Variants in CRB2 observed in about 807,000 individuals in gnomAD.
CRB2 encodes crumbs cell polarity complex component 2.
Under a neutral mutation model 110.9 loss-of-function variants are expected in CRB2, and 85 were observed. That is an observed-to-expected ratio of 0.77 (90% CI 0.64 to 0.92). CRB2 has a LOEUF of 0.92. Ranked by LOEUF, CRB2 falls within the 40% of genes least tolerant of loss-of-function variation. CRB2 has a pLI of 0.00. For synonymous variants in CRB2, 907 were observed against 831.0 expected, an observed-to-expected ratio of 1.09 and a Z score of -1.57; for missense variants, 1,843 against 1,851.3, an observed-to-expected ratio of 1.00 and a Z score of 0.08.
At chr9:123,379,661 C>T (rs1316132305), downstream of CRB2, 1 of 152,270 alleles carries the variant, frequency 6.6e-6, no homozygotes, top group Non-Finnish European at 1.5e-5. Context: ...CAGCCTCTTC[C>T]CCAAGATGAT....
chr9:123,368,924 G>C, intron 6 of CRB2: 4 of 1,255,318 alleles, frequency 3.2e-6, no homozygotes, highest in African/African-American at 1.6e-5. Flanking sequence ...GGACCTTCCT[G>C]GGCCACCTGT....
rs2797951 is a variant in CRB2 at position 123,367,412 on chromosome 9, C to G, written c.940+55C>G. The G allele has an allele frequency of 0.086, 122,714 of 1,430,226 alleles. 5,811 individuals carry two copies. Among genetic ancestry groups the G allele is most frequent in the Middle Eastern group, 0.09 (371 of 4,100 alleles). 88.6% of individuals were successfully genotyped at this position (1,430,226 alleles called of 1,614,324 possible). ...CATGTCCAGATGCCCAGGGAGGGAT[C>G]TTGTGCCCACCCCCCCACCCCCCCC... On this transcript the variant is annotated intron_variant, in intron 5 of 12. Transcript: ENST00000373631.
At chr9:123,354,819 C>T (rs184445633), upstream of CRB2, among the ~76,000 whole-genome samples, 4 of 152,254 alleles carry the variant, frequency 2.6e-5, no homozygotes, top group East Asian at 7.7e-4. Context: ...TCCTTTGGTC[C>T]CTGGGGACCC....
Position 123,370,475 on chromosome 9 carries a change from G to A in CRB2, c.1422G>A (p.Leu474=), listed in dbSNP as rs772240881. The change falls in exon 7 of 13, where the codon TTG becomes TTA. Residue 474 remains leucine (L), a synonymous_variant. Transcript: ENST00000373631. ...GCACCACACTGCCCGCTGGGACCTT[G>A]GCCACTCGCAATGACACCAAGGAAA... is the stretch of plus-strand genomic sequence containing the variant. ...RFRTTLPAGT[L]ATRNDTKESL... 1.2e-6 allele frequency: 2 copies of A among 1,613,346 alleles called. No individual in the cohort carries two copies. The highest frequency in any genetic ancestry group is 2.7e-5 in the African/African-American group (2 of 74,936).
intron 1 of CRB2, among the ~76,000 whole-genome samples, chr9:123,357,645 G>A (rs2041815443): frequency 6.6e-6 from 1 of 152,226 alleles, no homozygotes; most frequent in African/African-American, 2.4e-5. Flanking sequence ...CGGGGTGGCT[G>A]CTCCTCTCTG....
intron 8 of CRB2, among the ~76,000 whole-genome samples, 189 bp from the exon 9 acceptor site, chr9:123,371,988 T>C (rs2042023725): frequency 6.6e-6 from 1 of 152,192 alleles, no homozygotes; most frequent in African/African-American, 2.4e-5. Flanking sequence ...CTCAGGCAAG[T>C]GGCTTTGCAT....
In CRB2 at chr9:123,370,606, A is replaced by G. The variant is rs369310618; in HGVS notation, c.1553A>G (p.His518Arg). The change falls in exon 7 of 13, where the codon CAT (histidine) becomes CGT (arginine). Residue 518 changes from histidine to arginine, a missense_variant. Transcript: ENST00000373631. ...CCGGACCTGGCCCTAAACGATGGCC[A>G]TTGGCACCAGGTGGAGGTTGTGCTC... ...RLPDLALNDG[H>R]WHQVEVVLHL... is the part of the protein sequence containing the mutation. The G allele has an allele frequency of 1.9e-5, 30 of 1,612,468 alleles. No individual in the cohort carries two copies. Among genetic ancestry groups the G allele is most frequent in the Non-Finnish European group, 2.5e-5 (30 of 1,180,012 alleles).
chr9:123,375,414 A>G, intron 12 of CRB2, 71 bp downstream of exon 12: 1 of 1,479,482 alleles, frequency 6.8e-7, no homozygotes, highest in Non-Finnish European at 9.0e-7. Context: ...TGCTGGGGAG[A>G]GAGCGCAGCA....
upstream of CRB2, among the ~76,000 whole-genome samples, chr9:123,355,284 T>G (rs1050943336): frequency 6.6e-6 from 1 of 152,016 alleles, no homozygotes; most frequent in African/African-American, 2.4e-5. Flanking sequence ...AGCAGGAGAC[T>G]ATAAGGTTAG....
upstream of CRB2, among the ~76,000 whole-genome samples, chr9:123,354,659 T>C (rs111466461): frequency 3.1e-3 from 472 of 152,250 alleles, 6 homozygotes; most frequent in African/African-American, 0.011. Flanking sequence ...TCCTGTTGTA[T>C]TGGAGAGGCA....
rs370059953 is a variant in CRB2 at position 123,370,654 on chromosome 9, G to A, written c.1601G>A (p.Arg534Gln). 2 of 1,608,200 alleles carry A rather than the reference G, an allele frequency of 1.2e-6. No individual in the cohort carries two copies. Among genetic ancestry groups the A allele is most frequent in the African/African-American group, 1.3e-5 (1 of 74,936 alleles). Residue 534 changes from arginine to glutamine, a missense_variant, in exon 7 of 13, where the codon CGG (arginine) becomes CAG (glutamine). Physicochemically the swap from Arg to Gln is conservative, Grantham distance 43 (BLOSUM62 1). Transcript: ENST00000373631. ...CTCCATCTAGCGACCCTGGAGCTACGGCTCTGGCATGAGGGCTGCCCTGCC... is the reference window on the plus strand; with the variant it reads ...CTCCATCTAGCGACCCTGGAGCTACAGCTCTGGCATGAGGGCTGCCCTGCC... ...VVLHLATLEL[R>Q]LWHEGCPARL...
At chr9:123,369,277 C>G (rs1322509381) in intron 6 of CRB2, among the ~76,000 whole-genome samples, 2 of 152,232 alleles carry the variant, frequency 1.3e-5, no homozygotes, top group African/African-American at 4.8e-5. Flanking sequence ...CACTACCCCA[C>G]TAGCTCCTCC....
intron 1 of CRB2, among the ~76,000 whole-genome samples, chr9:123,360,320 G>A (rs113844109): frequency 9.2e-5 from 14 of 152,088 alleles, no homozygotes; most frequent in African/African-American, 1.2e-4. Flanking sequence ...CTGCCAGGTC[G>A]GCCCAGGCAG....
intron 2 of CRB2, among the ~76,000 whole-genome samples, chr9:123,365,002 C>T (rs1056792028): frequency 1.3e-5 from 2 of 152,220 alleles, no homozygotes; most frequent in Non-Finnish European, 2.9e-5. Flanking sequence ...TGGCTCACGC[C>T]TGTAATCCCA....
At position 123,374,473 on chromosome 9, in the gene CRB2, G is replaced by C. The variant is rs1588219828; in HGVS notation, c.3390-106G>C. ...CCCATGCCCAATAGAGGAAGGCCCT[G>C]AGTTCCATACATGAGAACACAAGCT... On this transcript the variant is annotated intron_variant, in intron 10 of 12. Coordinates refer to ENST00000373631, the MANE Select transcript of CRB2 (RefSeq NM_173689.7). The C allele has an allele frequency of 2.1e-5, 16 of 759,400 alleles. No homozygotes were observed. The East Asian group carries it at 3.5e-4, about 16-fold the overall frequency. The allele number at this position is 759,400 out of a possible 1,614,324, so 47.0% of individuals were successfully genotyped here. A position where few individuals can be genotyped will look rare whatever the true frequency, so the allele number is the denominator to read the frequency against.
chr9:123,377,043 C>T lies in CRB2; in HGVS notation c.3839C>T (p.Pro1280Leu), dbSNP rs1049615495. Residue 1280 changes from proline to leucine, a missense_variant, in exon 13 of 13, where the codon CCG becomes CTG. By Grantham distance (98) the Pro-to-Leu change is moderately conservative. Coordinates refer to ENST00000373631, the MANE Select transcript of CRB2 (RefSeq NM_173689.7). Reference sequence around the variant, plus strand: ...ATGGACAGTGTCCTCAAGGTGCCACCGGAGGAGAGACTCATCTAGGCCAGC... The same window carrying T: ...ATGGACAGTGTCCTCAAGGTGCCACTGGAGGAGAGACTCATCTAGGCCAGC... Reference protein sequence around the residue: ...LEMDSVLKVPPEERLI With the variant: ...LEMDSVLKVPLEERLI 1.5e-4 allele frequency: 236 copies of T among 1,588,856 alleles called. No homozygotes were observed. In the East Asian group the frequency reaches 2.5e-3, roughly 17 times the overall value.
At position 123,367,864 on chromosome 9, in the gene CRB2, G is replaced by A. The variant is rs552042822; in HGVS notation, c.1054+178G>A. ...TGGGACTCGCTTTGGAGGTGAGACTGGGGCTCAGGAGTGTAGTCCTGGCAG... is the reference window on the plus strand; with the variant it reads ...TGGGACTCGCTTTGGAGGTGAGACTAGGGCTCAGGAGTGTAGTCCTGGCAG... On this transcript the variant is annotated intron_variant, in intron 6 of 12. Coordinates refer to ENST00000373631, the MANE Select transcript of CRB2 (RefSeq NM_173689.7). 4.6e-5 allele frequency among the ~76,000 whole-genome samples: 7 copies of A among 152,232 alleles called. No homozygotes were observed. In the East Asian group the frequency reaches 1.4e-3, roughly 30 times the overall value.
At chr9:123,379,043 G>A (rs890202047), downstream of CRB2, among the ~76,000 whole-genome samples, 2 of 151,622 alleles carry the variant, frequency 1.3e-5, no homozygotes, top group East Asian at 1.9e-4. Context: ...CACCTGCCCC[G>A]GCCTCCCAAA....
upstream of CRB2, chr9:123,356,045 G>T (rs985278107): frequency 2.4e-6 from 1 of 423,456 alleles, no homozygotes; most frequent in Non-Finnish European, 4.2e-6. Context: ...CAGGCTAGGG[G>T]GCTTGAGGAC....
Sources: allele counts gnomAD v4.1 joint callset (sites outside exome capture counted in the v4.1 genomes callset), GRCh38; gene constraint gnomAD v4.1.1; transcripts MANE v1.5; gene names NCBI Gene and HGNC (gene_info 2026-07-23, HGNC 2026-07-21).